Variants in GLYR1 observed in about 807,000 individuals in gnomAD.
The protein encoded by GLYR1 is cytokine-like nuclear factor N-PAC.
In GLYR1, 21 loss-of-function variants were observed where a neutral mutation model predicts 72.7. The observed-to-expected ratio is 0.29, with a 90% confidence interval of 0.20 to 0.42. The LOEUF is 0.42. Among genes scored for constraint, GLYR1 ranks in the 10% least tolerant of loss-of-function variants. The pLI, the probability that GLYR1 is intolerant of heterozygous loss-of-function variation, is 1.00. For synonymous variants in GLYR1, 392 were observed against 270.2 expected (o/e 1.45, Z -4.42); for missense variants, 594 against 712.1 (o/e 0.83, Z 1.89).
intron 3 of GLYR1, among the ~76,000 whole-genome samples, chr16:4,834,386 G>A (rs1002840799): frequency 6.3e-5 from 9 of 142,164 alleles, no homozygotes; most frequent in East Asian, 4.2e-4. Context: ...CGGCAACCTC[G>A]CCTCCTAGGT....
intron 3 of GLYR1, among the ~76,000 whole-genome samples, chr16:4,834,295 C>CTTTTTTT (rs778256795): frequency 1.7e-5 from 2 of 118,348 alleles, no homozygotes; most frequent in African/African-American, 3.5e-5. Context: ...AGGCAAATTC[C>CTTTTTTT]TTTTTTTTTT....
chr16:4,841,488 T>TAAAAAAAAAAAA (rs1297388438), intron 3 of GLYR1, among the ~76,000 whole-genome samples: 9 of 69,606 alleles, frequency 1.3e-4, no homozygotes, highest in African/African-American at 5.2e-4. Context: ...AAAAAAAAAG[T>TAAAAAAAAAAAA]AAAAAATTTA....
At chr16:4,831,364 C>T (rs989050659) in intron 5 of GLYR1, among the ~76,000 whole-genome samples, 2 of 152,208 alleles carry the variant, frequency 1.3e-5, no homozygotes. Context: ...CGGGCCCCCA[C>T]TGACTCCAAG....
At chr16:4,810,726 A>AG (rs1567653969) in intron 15 of GLYR1, among the ~76,000 whole-genome samples, 1 of 138,344 alleles carries the variant, frequency 7.2e-6, no homozygotes, top group African/African-American at 2.5e-5. Context: ...AAAAAAAAAA[A>AG]AAAAAAATTA....
chr16:4,804,606 AG>A lies in GLYR1; in HGVS notation c.*629del. The stretch of plus-strand genomic sequence containing the variant: ...CTGCCAGTCTCTTTTCAGTTCACAA[AG>A]GCGTCTATGGAGCGCTGGGTGCACA... On this transcript the variant is annotated 3_prime_UTR_variant, in exon 16 of 16. Transcript: ENST00000321919. The A allele has an allele frequency of 1.3e-5, 2 of 152,834 alleles. No homozygotes were observed. Among genetic ancestry groups the A allele is most frequent in the Middle Eastern group, 6.8e-3 (2 of 294 alleles). 9.5% of individuals were successfully genotyped at this position (152,834 alleles called of 1,614,324 possible). A position where few individuals can be genotyped will look rare whatever the true frequency, so the allele number is the denominator to read the frequency against.
At chr16:4,818,737 C>G (rs2083812144) in intron 9 of GLYR1, among the ~76,000 whole-genome samples, 5 of 152,170 alleles carry the variant, frequency 3.3e-5, no homozygotes. Context: ...CCTTTCCCGT[C>G]TTCCCGTTAT....
intron 4 of GLYR1, 34 bp from the exon 5 acceptor site, chr16:4,832,255 C>A: frequency 6.2e-7 from 1 of 1,609,810 alleles, no homozygotes; most frequent in Non-Finnish European, 8.5e-7. Flanking sequence ...ATAACTACCA[C>A]CACAGCTGCT....
Position 4,821,456 on chromosome 16 carries a change from A to G in GLYR1, c.733-3T>C. 1 of 1,614,100 alleles carries G rather than the reference A, an allele frequency of 6.2e-7. No homozygotes were observed. The highest frequency in any genetic ancestry group is 1.3e-5 in the African/African-American group (1 of 75,068). Reference sequence around the variant, plus strand: ...TGGATGGAGGTGGAGCCAGTTTCCTACGGACAGGAAGCACACATCATCAAG... The same window carrying G: ...TGGATGGAGGTGGAGCCAGTTTCCTGCGGACAGGAAGCACACATCATCAAG... On this transcript the variant is annotated splice_polypyrimidine_tract_variant and splice_region_variant and intron_variant, in intron 8 of 15. Coordinates refer to ENST00000321919, the MANE Select transcript of GLYR1 (RefSeq NM_032569.4).
chr16:4,842,476 C>A (rs2085635732), intron 3 of GLYR1, among the ~76,000 whole-genome samples: 1 of 151,306 alleles, frequency 6.6e-6, no homozygotes, highest in African/African-American at 2.4e-5. Flanking sequence ...TAGCCTTCTG[C>A]ATACCTGGGA....
intron 15 of GLYR1, among the ~76,000 whole-genome samples, chr16:4,807,373 A>C (rs992483175): frequency 1.3e-5 from 2 of 152,138 alleles, no homozygotes; most frequent in African/African-American, 2.4e-5. Context: ...TCAGCCTCCC[A>C]AAGTGTTGAG....
In GLYR1 at chr16:4,821,617, G is replaced by T; in HGVS notation, c.682-20C>A. On this transcript the variant is annotated intron_variant, in intron 7 of 15. Transcript: ENST00000321919. ...AGCTGGCTAATGAAGGAGGAGGAAA[G>T]AGACTACTTGTGCTACTGCAGGCTT... The T allele has an allele frequency of 6.2e-7, 1 of 1,612,114 alleles. No individual in the cohort carries two copies. Among genetic ancestry groups the T allele is most frequent in the East Asian group, 2.2e-5 (1 of 44,876 alleles).
chr16:4,837,440 A>C (rs555285605), intron 3 of GLYR1, among the ~76,000 whole-genome samples: 3 of 152,162 alleles, frequency 2.0e-5, no homozygotes, highest in Admixed American at 1.3e-4. Context: ...TTAAAAAAAA[A>C]AAAAGAAAAT....
chr16:4,821,303 G>C (rs1356719557), intron 9 of GLYR1, 77 bp downstream of exon 9: 18 of 1,459,976 alleles, frequency 1.2e-5, no homozygotes, highest in Non-Finnish European at 1.6e-5. Flanking sequence ...AACCCTTAAA[G>C]AACCCCCCTG....
intron 12 of GLYR1, among the ~76,000 whole-genome samples, chr16:4,813,526 C>T (rs2083445670): frequency 6.6e-6 from 1 of 152,242 alleles, no homozygotes; most frequent in African/African-American, 2.4e-5. Flanking sequence ...ACTTGATGCC[C>T]ATCCCAGCCA....
Position 4,842,242 on chromosome 16 carries a change from T to A in GLYR1, c.155+2832A>T, listed in dbSNP as rs553076387. ...CTGGGCGACAGAGCGAGACTCCGTTTCAAAAAAAAAAAAACAACAACAAAA... is the reference window on the plus strand; with the variant it reads ...CTGGGCGACAGAGCGAGACTCCGTTACAAAAAAAAAAAAACAACAACAAAA... On this transcript the variant is annotated intron_variant, in intron 3 of 15. Coordinates refer to ENST00000321919, the MANE Select transcript of GLYR1 (RefSeq NM_032569.4). Among the ~76,000 whole-genome samples, 325 of 144,380 alleles carry A rather than the reference T, an allele frequency of 2.3e-3. 4 individuals are homozygous for A. Among genetic ancestry groups the A allele is most frequent in the African/African-American group, 8.2e-3 (319 of 38,738 alleles). 94.7% of individuals were successfully genotyped at this position (144,380 alleles called of 152,430 possible). A position where few individuals can be genotyped will look rare whatever the true frequency, so the allele number is the denominator to read the frequency against.
intron 3 of GLYR1, among the ~76,000 whole-genome samples, chr16:4,836,127 T>G (rs1195661631): frequency 6.6e-6 from 1 of 152,148 alleles, no homozygotes; most frequent in Admixed American, 6.5e-5. Flanking sequence ...GAGAATATGC[T>G]TTTCAGTTGG....
chr16:4,823,314 G>A (rs2084161140), intron 6 of GLYR1, among the ~76,000 whole-genome samples: 1 of 152,286 alleles, frequency 6.6e-6, no homozygotes, highest in African/African-American at 2.4e-5. Flanking sequence ...GCCTACTTGT[G>A]TCTGGTACCA....
intron 3 of GLYR1, among the ~76,000 whole-genome samples, chr16:4,833,485 T>C (rs2084925866): frequency 6.6e-6 from 1 of 152,182 alleles, no homozygotes; most frequent in Admixed American, 6.5e-5. Flanking sequence ...TTGTGGTTCC[T>C]ATGGATATTC....
chr16:4,815,455 G>T (rs537462302), intron 10 of GLYR1, among the ~76,000 whole-genome samples: 1 of 152,200 alleles, frequency 6.6e-6, no homozygotes, highest in Admixed American at 6.5e-5. Context: ...GATATACTGT[G>T]ATTTACCTAA....
Sources: gnomAD v4.1 joint callset for allele counts (sites outside exome capture counted in the v4.1 genomes callset) on GRCh38, gnomAD v4.1.1 for gene constraint, MANE v1.5 for transcripts, NCBI Gene and HGNC (gene_info 2026-07-23, HGNC 2026-07-21) for gene names.